OLAH: variants seen among roughly 807,000 people sequenced by gnomAD.
OLAH encodes the protein S-acyl fatty acid synthase thioesterase, medium chain.
OLAH carries 33 observed loss-of-function variants against 27.8 expected under a neutral mutation model. The ratio of observed to expected loss-of-function variants is 1.19; its 90% CI spans 0.90 to 1.59. The LOEUF (loss-of-function observed/expected upper bound fraction) is 1.59, where lower values mean the gene tolerates loss of function less well. Among genes scored for constraint, OLAH ranks in the 40% most tolerant of loss-of-function variants. OLAH has a pLI of 0.00. For missense variants in OLAH, 359 were observed against 310.8 expected (o/e 1.16, Z -1.17); for synonymous variants, 120 against 102.9 (o/e 1.17, Z -1.01).
chr10:15,055,616 G>A (rs568514828), intron 3 of OLAH, among the ~76,000 whole-genome samples: 1 of 152,176 alleles, frequency 6.6e-6, no homozygotes, highest in South Asian at 2.1e-4. Flanking sequence ...TTTATATGAG[G>A]GTTTTAATCA....
At chr10:15,070,760 C>T (rs1222693202) in intron 6 of OLAH, among the ~76,000 whole-genome samples, 2 of 146,954 alleles carry the variant, frequency 1.4e-5, no homozygotes, top group African/African-American at 5.1e-5. Context: ...GGATTACAGG[C>T]GTAAGCCACC....
intron 2 of OLAH, 71 bp from the exon 3 acceptor site, chr10:15,049,564 A>C: frequency 1.0e-6 from 1 of 972,624 alleles, no homozygotes. Context: ...TTCCATTAAA[A>C]CACAGGTAAT....
At chr10:15,053,528 C>A in intron 3 of OLAH, among the ~76,000 whole-genome samples, 1 of 152,128 alleles carries the variant, frequency 6.6e-6, no homozygotes, top group Non-Finnish European at 1.5e-5. Flanking sequence ...TCTGGCAGGC[C>A]ACTGTGCATG....
chr10:15,071,646 A>G, intron 6 of OLAH, 149 bp from the exon 7 acceptor site: 1 of 1,413,344 alleles, frequency 7.1e-7, no homozygotes, highest in Non-Finnish European at 9.3e-7. Flanking sequence ...TGACAGGTAG[A>G]AGTGCCATTG....
chr10:15,064,890 C>G (rs1043628107), intron 5 of OLAH, among the ~76,000 whole-genome samples: 1 of 152,192 alleles, frequency 6.6e-6, no homozygotes, highest in Non-Finnish European at 1.5e-5. Context: ...CTCCTGACCT[C>G]AGGTGATCCA....
At position 15,061,712 on chromosome 10, in the gene OLAH, C is replaced by T; in HGVS notation, c.164-12C>T. Reference sequence around the variant, plus strand: ...TGTCTGTGCGTGTTCACTTGTGTTTCTCCATCTCCAGTGCACTCCTTAAGG... The same window carrying T: ...TGTCTGTGCGTGTTCACTTGTGTTTTTCCATCTCCAGTGCACTCCTTAAGG... On this transcript the variant is annotated splice_polypyrimidine_tract_variant and intron_variant, in intron 3 of 7. Coordinates refer to ENST00000378228, the MANE Select transcript of OLAH (RefSeq NM_001039702.3). 6.3e-7 allele frequency: 1 copy of T among 1,587,578 alleles called. No individual in the cohort carries two copies. Among genetic ancestry groups the T allele is most frequent in the Non-Finnish European group, 8.6e-7 (1 of 1,168,562 alleles).
intron 1 of OLAH, chr10:15,038,572 G>C (rs12255757): frequency 2.6e-5 from 4 of 152,164 alleles, no homozygotes; most frequent in Non-Finnish European, 4.4e-5. Flanking sequence ...TTTTAAAAAC[G>C]GGAGTTCCCC....
intron 1 of OLAH, among the ~76,000 whole-genome samples, chr10:15,035,821 G>T (rs960820287): frequency 6.6e-6 from 1 of 152,178 alleles, no homozygotes; most frequent in South Asian, 2.1e-4. Context: ...CTTAGAAAAA[G>T]ATCAAATCAC....
chr10:15,066,600 TTTTATTTTATTTATTTATTTATTTA>T (rs1177630332), intron 6 of OLAH, among the ~76,000 whole-genome samples: 2 of 149,642 alleles, frequency 1.3e-5, no homozygotes, highest in Non-Finnish European at 3.0e-5. Flanking sequence ...TCTTTCCTAT[TTTTATTTTATTTATTTATTTATTTA>T]TTTATTTATT....
At chr10:15,053,357 A>T (rs1346581244) in intron 3 of OLAH, among the ~76,000 whole-genome samples, 1 of 152,200 alleles carries the variant, frequency 6.6e-6, no homozygotes, top group Non-Finnish European at 1.5e-5. Flanking sequence ...TCCTGATAGG[A>T]TTTCAGAAAC....
Position 15,052,638 on chromosome 10 carries a change from G to C in OLAH, c.163+2873G>C, listed in dbSNP as rs547369850. On this transcript the variant is annotated intron_variant, in intron 3 of 7. Transcript: ENST00000378228. ...TTAACAACTTGTTTTACTGTTTGTT[G>C]TCTTGCTTCAGATTTTGTTATCAAA... Among the ~76,000 whole-genome samples the C allele has an allele frequency of 4.9e-5, 7 of 143,876 alleles. No homozygotes were observed. In the South Asian group the frequency reaches 1.6e-3, roughly 32 times the overall value. 94.4% of individuals were successfully genotyped at this position (143,876 alleles called of 152,430 possible). A position where few individuals can be genotyped will look rare whatever the true frequency, so the allele number is the denominator to read the frequency against.
At chr10:15,056,743 A>G (rs533440188) in intron 3 of OLAH, 6 of 1,265,216 alleles carry the variant, frequency 4.7e-6, no homozygotes, top group Middle Eastern at 3.0e-4. Flanking sequence ...TGATCCTCCC[A>G]CCTCAGCCTC....
At chr10:15,063,646 T>C (rs1172525839) in intron 4 of OLAH, among the ~76,000 whole-genome samples, 1 of 152,216 alleles carries the variant, frequency 6.6e-6, no homozygotes, top group Non-Finnish European at 1.5e-5. Flanking sequence ...ATTGAGGAAC[T>C]CAAAGAGCTT....
Position 15,071,492 on chromosome 10 carries a change from T to C in OLAH, c.573-303T>C, listed in dbSNP as rs1844585883. 7.1e-6 allele frequency: 7 copies of C among 984,156 alleles called. No homozygotes were observed. In the South Asian group the frequency reaches 3.3e-4, roughly 46 times the overall value. 61.0% of individuals were successfully genotyped at this position (984,156 alleles called of 1,614,324 possible). ...CTAAGAGTTACTAAAGAGGTCTTCGTTTCTGATGACAGTTTAAAGGACTGG... is the reference window on the plus strand; with the variant it reads ...CTAAGAGTTACTAAAGAGGTCTTCGCTTCTGATGACAGTTTAAAGGACTGG... On this transcript the variant is annotated intron_variant, in intron 6 of 7. Coordinates refer to ENST00000378228, the MANE Select transcript of OLAH (RefSeq NM_001039702.3).
At position 15,065,576 on chromosome 10, in the gene OLAH, GTTTCAAGTC is replaced by G. The variant is rs1223622727; in HGVS notation, c.403-7_404del. The G allele has an allele frequency of 1.2e-6, 2 of 1,605,284 alleles. No homozygotes were observed. The highest frequency in any genetic ancestry group is 3.5e-5 in the Admixed American group (2 of 57,730). ...ATATCAGGCCTGTGTTGTTGTTCAT[GTTTCAAGTC>G]AAAGGCCTGGCATCGCATTCCCAAA... is the stretch of plus-strand genomic sequence containing the variant. On this transcript the variant is annotated splice_acceptor_variant and splice_polypyrimidine_tract_variant and coding_sequence_variant and intron_variant, in exon 6 of 8. Transcript: ENST00000378228. LOFTEE classifies it high-confidence loss of function.
chr10:15,043,591 C>T (rs569163830), upstream of OLAH, among the ~76,000 whole-genome samples: 70 of 151,614 alleles, frequency 4.6e-4, no homozygotes, highest in Non-Finnish European at 8.5e-4. Flanking sequence ...TCTCCTGCCT[C>T]AGCCTCCTCA....
At chr10:15,032,855 A>C (rs145642373) in intron 1 of OLAH, among the ~76,000 whole-genome samples, 2 of 146,142 alleles carry the variant, frequency 1.4e-5, no homozygotes, top group East Asian at 4.2e-4. Context: ...TAATTCTGAC[A>C]CCTATCAATA....
chr10:15,033,323 G>T (rs1843788411), intron 1 of OLAH, among the ~76,000 whole-genome samples: 1 of 152,174 alleles, frequency 6.6e-6, no homozygotes, highest in Non-Finnish European at 1.5e-5. Flanking sequence ...AAGGGTGACT[G>T]TAAAGGGCAA....
intron 5 of OLAH, 61 bp downstream of exon 5, chr10:15,064,563 T>G: frequency 2.2e-6 from 2 of 926,238 alleles, no homozygotes; most frequent in African/African-American, 1.7e-5. Flanking sequence ...GGGATAAAAA[T>G]AAGCCATTAT....
Sources: allele counts gnomAD v4.1 joint callset (sites outside exome capture counted in the v4.1 genomes callset), GRCh38; gene constraint gnomAD v4.1.1; transcripts MANE v1.5; gene names NCBI Gene and HGNC (gene_info 2026-07-23, HGNC 2026-07-21).